Variants in NME2 observed in about 807,000 individuals in gnomAD.
NME2 encodes the protein nucleoside diphosphate kinase B.
A neutral mutation model predicts 17.8 loss-of-function variants in NME2; 18 were observed. The ratio of observed to expected loss-of-function variants is 1.01; its 90% CI spans 0.70 to 1.50. NME2 has a LOEUF of 1.50. Ranked by LOEUF, NME2 falls within the 40% of genes most tolerant of loss-of-function variation. NME2 has a pLI of 0.00. For synonymous variants in NME2, 74 were observed against 71.4 expected (o/e 1.04, Z -0.19); for missense variants, 161 against 195.6 (o/e 0.82, Z 1.05).
chr17:51,169,847 T>C (rs1168881313), intron 3 of NME2, 90 bp from the exon 4 acceptor site: 3 of 1,170,028 alleles, frequency 2.6e-6, no homozygotes, highest in East Asian at 4.8e-5. Flanking sequence ...ATCGGTCTCA[T>C]TGATGTGTCG....
In NME2 at chr17:51,166,761, C is replaced by G. The variant is rs1328297447; in HGVS notation, c.-4-66C>G. On this transcript the variant is annotated intron_variant, in intron 1 of 4. Transcript: ENST00000512737. ...TGGGGGAGGAGGGACCGGCGGCGCC[C>G]ACGTGGCCTCCGCGGGCCCCGCCAG... The G allele has an allele frequency of 3.2e-5, 47 of 1,474,042 alleles. 1 individual carries two copies. Among genetic ancestry groups the G allele is most frequent in the Non-Finnish European group, 4.2e-5 (47 of 1,117,920 alleles). 91.3% of individuals were successfully genotyped at this position (1,474,042 alleles called of 1,614,324 possible). A position where few individuals can be genotyped will look rare whatever the true frequency, so the allele number is the denominator to read the frequency against.
At chr17:51,170,996 G>C (rs915211158) in intron 4 of NME2, among the ~76,000 whole-genome samples, 1 of 152,168 alleles carries the variant, frequency 6.6e-6, no homozygotes, top group African/African-American at 2.4e-5. Flanking sequence ...CCTGTACACA[G>C]TCTGTTCAAA....
chr17:51,167,073 T>TTGCCCTC, intron 2 of NME2, 117 bp downstream of exon 2: 2 of 1,584,540 alleles, frequency 1.3e-6, no homozygotes, highest in Non-Finnish European at 1.7e-6. Flanking sequence ...CGAAATCCCT[T>TTGCCCTC]TGCCCTCTGC....
intron 3 of NME2, chr17:51,169,679 G>A: frequency 2.6e-6 from 1 of 385,828 alleles, no homozygotes; most frequent in Non-Finnish European, 4.6e-6. Context: ...GTTGATGGCT[G>A]CATAAGGATT....
intron 1 of NME2, 45 bp from the exon 2 acceptor site, chr17:51,166,782 G>C (rs938739335): frequency 6.5e-7 from 1 of 1,546,778 alleles, no homozygotes; most frequent in Admixed American, 1.9e-5. Context: ...CGCGGGCCCC[G>C]CCAGAGCCTG....
chr17:51,166,822 C>G lies in NME2; in HGVS notation c.-4-5C>G. ...CGGGCCCTGACCGCACCTCTCGCCC[C>G]GCAGGACCATGGCCAACCTGGAGCG... is the stretch of plus-strand genomic sequence containing the variant. On this transcript the variant is annotated splice_polypyrimidine_tract_variant and splice_region_variant and intron_variant, in intron 1 of 4. Transcript: ENST00000512737. The G allele has an allele frequency of 1.2e-6, 2 of 1,610,064 alleles. No homozygotes were observed. Among genetic ancestry groups the G allele is most frequent in the East Asian group, 2.2e-5 (1 of 44,598 alleles).
Position 51,169,963 on chromosome 17 carries a change from G to T in NME2, c.255G>T (p.Lys85Asn). The T allele has an allele frequency of 6.2e-7, 1 of 1,613,594 alleles. No homozygotes were observed. The highest frequency in any genetic ancestry group is 8.5e-7 in the Non-Finnish European group (1 of 1,179,868). The change falls in exon 4 of 5, where the codon AAG becomes AAT. Residue 85 changes from lysine (K) to asparagine (N), a missense_variant. Physicochemically the swap from Lys to Asn is moderately conservative, Grantham distance 94 (BLOSUM62 0). Coordinates refer to ENST00000512737, the MANE Select transcript of NME2 (RefSeq NM_002512.4). The stretch of plus-strand genomic sequence containing the variant: ...TCTGGGAGGGGCTGAACGTGGTGAA[G>T]ACAGGCCGAGTGATGCTTGGGGAGA... ...AMVWEGLNVVKTGRVMLGETN... is the reference protein window; with the variant it reads ...AMVWEGLNVVNTGRVMLGETN...
At chr17:51,168,600 G>A (rs1435887680) in intron 3 of NME2, among the ~76,000 whole-genome samples, 3 of 152,148 alleles carry the variant, frequency 2.0e-5, no homozygotes, top group Non-Finnish European at 4.4e-5. Flanking sequence ...GAACCTGGGA[G>A]GCGGAGGTTG....
chr17:51,167,648 T>TA (rs1269268440), intron 2 of NME2, among the ~76,000 whole-genome samples: 10 of 151,794 alleles, frequency 6.6e-5, no homozygotes, highest in Admixed American at 6.6e-4. Context: ...TTTTTAGGCT[T>TA]ACAAAACCCC....
In NME2 at chr17:51,168,258, T is replaced by C. The variant is rs2049989063; in HGVS notation, c.143T>C (p.Leu48Pro). The change falls in exon 3 of 5, where the codon CTG becomes CCG. Residue 48 changes from leucine to proline, a missense_variant. Coordinates refer to ENST00000512737, the MANE Select transcript of NME2 (RefSeq NM_002512.4). Reference protein sequence around the residue: ...MKFLRASEEHLKQHYIDLKDR... With the variant: ...MKFLRASEEHPKQHYIDLKDR... ...CAATGCCAGGCCTCTGAAGAACACC[T>C]GAAGCAGCACTACATTGACCTGAAA... 1.2e-6 allele frequency: 2 copies of C among 1,613,724 alleles called. No homozygotes were observed. Among genetic ancestry groups the C allele is most frequent in the Admixed American group, 1.7e-5 (1 of 59,986 alleles).
chr17:51,171,407 G>C lies in NME2; in HGVS notation c.342-80G>C, dbSNP rs572299994. 101 of 1,207,652 alleles carry C rather than the reference G, an allele frequency of 8.4e-5. No individual in the cohort carries two copies. In the African/African-American group the frequency reaches 1.4e-3, roughly 17 times the overall value. The allele number at this position is 1,207,652 out of a possible 1,614,324, so 74.8% of individuals were successfully genotyped here. ...GTGGCAATTTGGCTGAAAGAGTCTG[G>C]AGTGCTGTCCATTGCGGTACCCATT... On this transcript the variant is annotated intron_variant, in intron 4 of 4. Coordinates refer to ENST00000512737, the MANE Select transcript of NME2 (RefSeq NM_002512.4).
intron 4 of NME2, among the ~76,000 whole-genome samples, 153 bp downstream of exon 4, chr17:51,170,202 T>C (rs1199678523): frequency 1.3e-5 from 2 of 149,824 alleles, no homozygotes; most frequent in African/African-American, 4.9e-5. Flanking sequence ...AGTGCAGTGG[T>C]GCCATCTCTG....
At chr17:51,168,762 G>A (rs573239072) in intron 3 of NME2, among the ~76,000 whole-genome samples, 18 of 152,026 alleles carry the variant, frequency 1.2e-4, no homozygotes, top group South Asian at 6.2e-4. Context: ...GTAAATTTTC[G>A]GGCCAGGCTT....
At position 51,171,492 on chromosome 17, in the gene NME2, T is replaced by C. The variant is rs778925695; in HGVS notation, c.347T>C (p.Ile116Thr). 1 of 1,613,420 alleles carries C rather than the reference T, an allele frequency of 6.2e-7. No individual in the cohort carries two copies. The highest frequency in any genetic ancestry group is 1.7e-4 in the Middle Eastern group (1 of 6,054). Residue 116 changes from isoleucine (I) to threonine (T), a missense_variant, in exon 5 of 5, where the codon ATC becomes ACC. By Grantham distance (89) the Ile-to-Thr change is moderately conservative. Transcript: ENST00000512737. ...GTAATTGTTTTCTTTCTTAGGAACA[T>C]CATTCATGGCAGTGATTCAGTAAAA... ...GDFCIQVGRN[I>T]IHGSDSVKSA...
Position 51,171,349 on chromosome 17 carries a change from G to A in NME2, c.342-138G>A, listed in dbSNP as rs2050064823. On this transcript the variant is annotated intron_variant, in intron 4 of 4. Coordinates refer to ENST00000512737, the MANE Select transcript of NME2 (RefSeq NM_002512.4). ...TGTATAGCTGCTTTTAAAAGGAAAT[G>A]CTTTGGGGGTATAAATTGGTCTGTT... The A allele has an allele frequency of 6.4e-6, 4 of 627,950 alleles. No homozygotes were observed. The South Asian group carries it at 7.5e-5, about 12-fold the overall frequency. 38.9% of individuals were successfully genotyped at this position (627,950 alleles called of 1,614,324 possible). A position where few individuals can be genotyped will look rare whatever the true frequency, so the allele number is the denominator to read the frequency against.
intron 4 of NME2, 69 bp downstream of exon 4, chr17:51,170,118 C>A: frequency 3.4e-6 from 4 of 1,161,686 alleles, no homozygotes; most frequent in South Asian, 1.6e-5. Context: ...CATGGCGTAT[C>A]CTACTTTCAG....
intron 4 of NME2, 71 bp downstream of exon 4, chr17:51,170,120 T>A (rs2050037859): frequency 1.8e-6 from 2 of 1,104,900 alleles, no homozygotes; most frequent in East Asian, 2.8e-5. Flanking sequence ...TGGCGTATCC[T>A]ACTTTCAGAA....
chr17:51,169,568 TTAGTC>T (rs1378567797), intron 3 of NME2: 1 of 178,338 alleles, frequency 5.6e-6, no homozygotes, highest in African/African-American at 2.4e-5. Context: ...CCCTAGCATG[TTAGTC>T]TTTCTTTTCC....
In NME2 at chr17:51,166,935, C is replaced by T; in HGVS notation, c.105C>T (p.Leu35=). 1.2e-6 allele frequency: 2 copies of T among 1,613,740 alleles called. No individual in the cohort carries two copies. Among genetic ancestry groups the T allele is most frequent in the African/African-American group, 2.7e-5 (2 of 75,046 alleles). Residue 35 remains leucine, a synonymous_variant, in exon 2 of 5, where the codon CTC becomes CTT. Coordinates refer to ENST00000512737, the MANE Select transcript of NME2 (RefSeq NM_002512.4). The part of the protein sequence containing the change: ...IKRFEQKGFR[L]VAMKFLRASE... ...GCTTCGAGCAGAAGGGATTCCGCCT[C>T]GTGGCCATGAAGTTCCTCCGGGTAA...
Sources: gnomAD v4.1 joint callset for allele counts (sites outside exome capture counted in the v4.1 genomes callset) on GRCh38, gnomAD v4.1.1 for gene constraint, MANE v1.5 for transcripts, NCBI Gene and HGNC (gene_info 2026-07-23, HGNC 2026-07-21) for gene names.